Variants in CEP97 observed in about 807,000 individuals in gnomAD.
CEP97 encodes centrosomal protein 97, also known as centrosomal protein of 97 kDa.
Under a neutral mutation model 73.1 loss-of-function variants are expected in CEP97, and 43 were observed. That is an observed-to-expected ratio of 0.59 (90% CI 0.46 to 0.76). The LOEUF is 0.76. Among genes scored for constraint, CEP97 ranks in the 30% least tolerant of loss-of-function variants. CEP97 has a pLI of 0.00. For missense variants in CEP97, 939 were observed against 1,014.0 expected (o/e 0.93, Z 1.00); for synonymous variants, 337 against 370.0 (o/e 0.91, Z 1.02).
chr3:101,758,854 A>G (rs916581529), intron 9 of CEP97: 3 of 162,750 alleles, frequency 1.8e-5, no homozygotes, highest in African/African-American at 7.2e-5. Context: ...AATAGGAATT[A>G]TTCCTTAATC....
rs1576707860 is a variant in CEP97 at position 101,769,717 on chromosome 3, G to C, written c.*4166G>C. On this transcript the variant is annotated 3_prime_UTR_variant, in exon 11 of 11. Transcript: ENST00000341893. The stretch of plus-strand genomic sequence containing the variant: ...CATACCTTTAAAAGGTATTTATTGT[G>C]TCATAATGTTTTAAATGTTAAATAT... 1 of 152,216 alleles carries C rather than the reference G, an allele frequency of 6.6e-6. No individual in the cohort carries two copies. Among genetic ancestry groups the C allele is most frequent in the Admixed American group, 6.5e-5 (1 of 15,290 alleles). The allele number at this position is 152,216 out of a possible 1,614,324, so 9.4% of individuals were successfully genotyped here.
chr3:101,748,726 C>G (rs990201508), intron 6 of CEP97, among the ~76,000 whole-genome samples: 1 of 152,138 alleles, frequency 6.6e-6, no homozygotes, highest in Admixed American at 6.5e-5. Flanking sequence ...CTGCAAGCTC[C>G]GCCTCCTGGG....
chr3:101,764,708 A>C, intron 10 of CEP97, 139 bp from the exon 11 acceptor site: 2 of 642,952 alleles, frequency 3.1e-6, no homozygotes, highest in Non-Finnish European at 5.1e-6. Context: ...ACTTGAGCCC[A>C]GGAGGTTGAT....
chr3:101,745,966 T>C (rs1938601530), intron 6 of CEP97, among the ~76,000 whole-genome samples: 1 of 152,112 alleles, frequency 6.6e-6, no homozygotes, highest in Non-Finnish European at 1.5e-5. Flanking sequence ...CCATGTGTTC[T>C]CATTGTTCAA....
intron 6 of CEP97, among the ~76,000 whole-genome samples, chr3:101,754,896 A>AC (rs1938960692): frequency 7.2e-6 from 1 of 139,026 alleles, no homozygotes; most frequent in Non-Finnish European, 1.6e-5. Context: ...TTCAGGTTTG[A>AC]TTTTTTTTTT....
chr3:101,762,629 A>G (rs898652464), intron 10 of CEP97, 69 bp downstream of exon 10: 14 of 1,238,074 alleles, frequency 1.1e-5, no homozygotes, highest in African/African-American at 1.5e-5. Flanking sequence ...TGAGATAATC[A>G]TAGAGTACTC....
At chr3:101,727,320 C>T (rs1343693549) in intron 2 of CEP97, 63 bp from the exon 3 acceptor site, 1 of 1,399,820 alleles carries the variant, frequency 7.1e-7, no homozygotes, top group Non-Finnish European at 9.9e-7. Context: ...TTTTAAATCA[C>T]TTTAATGTGA....
intron 6 of CEP97, among the ~76,000 whole-genome samples, chr3:101,753,414 A>C (rs896076704): frequency 1.3e-5 from 2 of 152,150 alleles, no homozygotes; most frequent in African/African-American, 2.4e-5. Flanking sequence ...GTGCTGGGAG[A>C]ACCACTGCTC....
intron 6 of CEP97, among the ~76,000 whole-genome samples, chr3:101,739,274 T>C (rs76199687): frequency 1.3e-5 from 2 of 152,190 alleles, no homozygotes; most frequent in Non-Finnish European, 2.9e-5. Flanking sequence ...CTTCTGAAAC[T>C]ATTCCAAACA....
intron 6 of CEP97, among the ~76,000 whole-genome samples, chr3:101,748,807 A>AT (rs1160907541): frequency 6.6e-6 from 1 of 151,796 alleles, no homozygotes; most frequent in Non-Finnish European, 1.5e-5. Context: ...CGCCTGGCTA[A>AT]TTTTTTGTAT....
chr3:101,751,643 A>C (rs1938823882), intron 6 of CEP97, among the ~76,000 whole-genome samples: 1 of 152,144 alleles, frequency 6.6e-6, no homozygotes, highest in African/African-American at 2.4e-5. Flanking sequence ...CTTCTTGTTG[A>C]ATTGATCCCT....
intron 10 of CEP97, among the ~76,000 whole-genome samples, chr3:101,764,314 T>A (rs966593542): frequency 6.6e-6 from 1 of 151,866 alleles, no homozygotes; most frequent in African/African-American, 2.4e-5. Flanking sequence ...GAAAAAATTT[T>A]AAAAATTAGC....
intron 6 of CEP97, among the ~76,000 whole-genome samples, chr3:101,748,604 G>A (rs543804796): frequency 6.6e-6 from 1 of 152,238 alleles, no homozygotes; most frequent in Admixed American, 6.5e-5. Flanking sequence ...GATTCTAAAT[G>A]ATTTTGATTT....
chr3:101,726,421 A>G (rs144803053), intron 1 of CEP97, among the ~76,000 whole-genome samples, 173 bp from the exon 2 acceptor site: 122 of 152,340 alleles, frequency 8.0e-4, no homozygotes, highest in African/African-American at 2.7e-3. Flanking sequence ...GAGTAATTCA[A>G]TCTGGTCATT....
chr3:101,757,543 T>A, intron 8 of CEP97, 91 bp from the exon 9 acceptor site: 1 of 1,251,158 alleles, frequency 8.0e-7, no homozygotes, highest in South Asian at 1.6e-5. Flanking sequence ...TTTTGCATTT[T>A]ACTCTATTTC....
intron 9 of CEP97, 106 bp downstream of exon 9, chr3:101,758,529 C>G (rs878866837): frequency 7.4e-7 from 1 of 1,344,574 alleles, no homozygotes; most frequent in Non-Finnish European, 1.0e-6. Flanking sequence ...ACTTTTCACA[C>G]AATGTAGCCA....
At chr3:101,763,278 C>A in intron 10 of CEP97, 2 of 1,015,478 alleles carry the variant, frequency 2.0e-6, no homozygotes, top group Non-Finnish European at 1.3e-6. Context: ...TTGTAGTTAC[C>A]AACAATAGAG....
intron 6 of CEP97, among the ~76,000 whole-genome samples, chr3:101,753,531 C>T (rs1385835855): frequency 1.3e-5 from 2 of 152,226 alleles, no homozygotes; most frequent in Non-Finnish European, 2.9e-5. Context: ...GGCAGGCAGG[C>T]CTCCTTGAGC....
intron 7 of CEP97, among the ~76,000 whole-genome samples, chr3:101,756,668 G>A (rs1468649761): frequency 1.3e-5 from 2 of 152,064 alleles, no homozygotes; most frequent in African/African-American, 4.8e-5. Context: ...GCGCGACACC[G>A]TGCCCGACCT....
Sources: gnomAD v4.1 joint callset for allele counts (sites outside exome capture counted in the v4.1 genomes callset) on GRCh38, gnomAD v4.1.1 for gene constraint, MANE v1.5 for transcripts, NCBI Gene and HGNC (gene_info 2026-07-23, HGNC 2026-07-21) for gene names.